YWHAE: variants seen among roughly 807,000 people sequenced by gnomAD.
The protein encoded by YWHAE is tyrosine 3-monooxygenase/tryptophan 5-monooxygenase activation protein epsilon, also known as 14-3-3 protein epsilon.
Under a neutral mutation model 30.1 loss-of-function variants are expected in YWHAE, and 4 were observed. The observed-to-expected ratio is 0.13, with a 90% CI of 0.07 to 0.30. The LOEUF is 0.30. Ranked by LOEUF, YWHAE falls within the 10% of genes least tolerant of loss-of-function variation. YWHAE has a pLI of 1.00. For synonymous variants in YWHAE, 118 were observed against 111.8 expected, an observed-to-expected ratio of 1.06 and a Z score of -0.35; for missense variants, 121 against 315.9, an observed-to-expected ratio of 0.38 and a Z score of 4.68.
At chr17:1,345,676 T>C (rs1239879582) in intron 5 of YWHAE, among the ~76,000 whole-genome samples, 177 bp from the exon 6 acceptor site, 3 of 152,100 alleles carry the variant, frequency 2.0e-5, no homozygotes, top group Admixed American at 6.6e-5. Context: ...CAAGAAGGGA[T>C]TATGGTCCTG....
intron 1 of YWHAE, among the ~76,000 whole-genome samples, chr17:1,394,436 CA>C (rs544115909): frequency 0.094 from 5,506 of 58,760 alleles, 66 homozygotes; most frequent in Non-Finnish European, 0.11. Flanking sequence ...CTCAAATCCA[CA>C]AAAAAAAAAA....
intron 4 of YWHAE, among the ~76,000 whole-genome samples, chr17:1,355,189 C>G: frequency 9.3e-6 from 1 of 107,780 alleles, no homozygotes; most frequent in Non-Finnish European, 1.7e-5. Flanking sequence ...CGGGGTCTCG[C>G]TCTATCACCC....
chr17:1,384,960 C>G (rs1221839319), intron 1 of YWHAE, among the ~76,000 whole-genome samples: 1 of 151,910 alleles, frequency 6.6e-6, no homozygotes, highest in East Asian at 1.9e-4. Flanking sequence ...ATCTGCCTGC[C>G]TTGGCCTCCC....
At position 1,354,256 on chromosome 17, in the gene YWHAE, A is replaced by C; in HGVS notation, c.670T>G (p.Leu224Val). The C allele has an allele frequency of 6.2e-7, 1 of 1,614,150 alleles. No homozygotes were observed. Among genetic ancestry groups the C allele is most frequent in the Non-Finnish European group, 8.5e-7 (1 of 1,180,004 alleles). ...YKDSTLIMQL[L>V]RDNLTLWTSD... ...GTCCATAGTGTCAGATTATCACGTA[A>C]CAACTGCATGATAAGTGTAGAGTCC... Residue 224 changes from leucine (L) to valine (V), a missense_variant, in exon 5 of 6, where the codon TTA (leucine) becomes GTA (valine). Physicochemically the swap from Leu to Val is conservative, Grantham distance 32. Transcript: ENST00000264335.
intron 5 of YWHAE, among the ~76,000 whole-genome samples, chr17:1,348,762 G>A (rs1567952899): frequency 2.6e-5 from 4 of 152,204 alleles, no homozygotes; most frequent in Admixed American, 2.6e-4. Context: ...AGTGGCTCAC[G>A]CCTGTAATCC....
At chr17:1,390,538 G>C (rs545249959) in intron 1 of YWHAE, among the ~76,000 whole-genome samples, 33 of 152,238 alleles carry the variant, frequency 2.2e-4, no homozygotes, top group Non-Finnish European at 4.7e-4. Context: ...ACACTTTACA[G>C]TTTACAAAAG....
At chr17:1,395,544 C>T (rs148443396) in intron 1 of YWHAE, among the ~76,000 whole-genome samples, 2 of 152,210 alleles carry the variant, frequency 1.3e-5, no homozygotes, top group Non-Finnish European at 2.9e-5. Context: ...TTTAACACTA[C>T]GTTACTCAGT....
intron 1 of YWHAE, among the ~76,000 whole-genome samples, chr17:1,383,972 G>A (rs1287874404): frequency 2.6e-5 from 4 of 151,354 alleles, no homozygotes; most frequent in African/African-American, 4.8e-5. Flanking sequence ...TTGGGAGGCC[G>A]AGGCACGTGG....
intron 1 of YWHAE, among the ~76,000 whole-genome samples, chr17:1,376,362 C>T (rs769126946): frequency 1.5e-5 from 1 of 64,748 alleles, no homozygotes; most frequent in South Asian, 6.3e-4. Context: ...ACAAGAAAGA[C>T]AGACAGACAG....
chr17:1,397,888 T>A (rs1351306206), intron 1 of YWHAE, among the ~76,000 whole-genome samples: 1 of 152,096 alleles, frequency 6.6e-6, no homozygotes, highest in Non-Finnish European at 1.5e-5. Context: ...CCCCTTTAGA[T>A]CCTGAAGGGG....
At chr17:1,346,675 A>C (rs1213655787) in intron 5 of YWHAE, among the ~76,000 whole-genome samples, 1 of 152,198 alleles carries the variant, frequency 6.6e-6, no homozygotes, top group African/African-American at 2.4e-5. Flanking sequence ...CAACACAGTG[A>C]AGCCCTGTCT....
intron 4 of YWHAE, among the ~76,000 whole-genome samples, chr17:1,355,995 C>A (rs897435126): frequency 4.6e-5 from 7 of 152,042 alleles, no homozygotes; most frequent in Non-Finnish European, 1.0e-4. Context: ...AGTGAAACCC[C>A]GTCTCTACTA....
intron 1 of YWHAE, among the ~76,000 whole-genome samples, chr17:1,370,860 C>A (rs1372944625): frequency 6.6e-6 from 1 of 151,956 alleles, no homozygotes; most frequent in East Asian, 2.0e-4. Flanking sequence ...ATCAGCCGGG[C>A]ATGGTGGCGG....
intron 1 of YWHAE, chr17:1,398,802 G>A (rs1007124274): frequency 6.6e-6 from 1 of 152,142 alleles, no homozygotes; most frequent in African/African-American, 2.4e-5. Flanking sequence ...ATGGACATTC[G>A]ATGAAGTTCT....
intron 1 of YWHAE, among the ~76,000 whole-genome samples, chr17:1,394,445 A>AAAAAAAAAAAAAAAAAAAAAAAAAC (rs1567987797): frequency 2.1e-5 from 3 of 142,586 alleles, no homozygotes; most frequent in Admixed American, 6.8e-5. Context: ...ACAAAAAAAA[A>AAAAAAAAAAAAAAAAAAAAAAAAAC]AAAAAAAAAA....
At chr17:1,350,030 A>C (rs894775353) in intron 5 of YWHAE, among the ~76,000 whole-genome samples, 1 of 149,442 alleles carries the variant, frequency 6.7e-6, no homozygotes, top group Non-Finnish European at 1.5e-5. Context: ...TCAGTTGATC[A>C]CAACCTCCAA....
chr17:1,382,682 A>T (rs1039620531), intron 1 of YWHAE, among the ~76,000 whole-genome samples: 6 of 152,136 alleles, frequency 3.9e-5, no homozygotes, highest in African/African-American at 1.2e-4. Flanking sequence ...TATTTACTTG[A>T]TATGGCTGTA....
chr17:1,374,253 G>C (rs1293177031), intron 1 of YWHAE, among the ~76,000 whole-genome samples: 3 of 151,660 alleles, frequency 2.0e-5, no homozygotes, highest in African/African-American at 7.3e-5. Context: ...GGGAGGCGGA[G>C]GTTGCAGTGA....
At chr17:1,388,105 T>TTG (rs2073330424) in intron 1 of YWHAE, among the ~76,000 whole-genome samples, 33 of 46,430 alleles carry the variant, frequency 7.1e-4, no homozygotes, top group Admixed American at 2.5e-3. Flanking sequence ...ATTTTTGTTT[T>TTG]TTTTTTTGGT....
Sources: gnomAD v4.1 joint callset for allele counts (sites outside exome capture counted in the v4.1 genomes callset) on GRCh38, gnomAD v4.1.1 for gene constraint, MANE v1.5 for transcripts, NCBI Gene and HGNC (gene_info 2026-07-23, HGNC 2026-07-21) for gene names.